The following SLC25A15 variants were observed in gnomAD, a reference collection of about 807,000 sequenced individuals.
SLC25A15 encodes mitochondrial ornithine transporter 1.
A neutral mutation model predicts 32.3 loss-of-function variants in SLC25A15; 24 were observed. That is an observed-to-expected ratio of 0.74 (90% confidence interval 0.54 to 1.04). SLC25A15 has a LOEUF of 1.04. Among genes scored for constraint, SLC25A15 ranks in the 50% least tolerant of loss-of-function variants. The pLI is 0.00. For missense variants in SLC25A15, 317 were observed against 374.5 expected, an observed-to-expected ratio of 0.85 and a Z score of 1.27; for synonymous variants, 132 against 142.1, an observed-to-expected ratio of 0.93 and a Z score of 0.51.
chr13:40,803,504 A>T (rs1173279709), intron 3 of SLC25A15, among the ~76,000 whole-genome samples: 2 of 151,504 alleles, frequency 1.3e-5, no homozygotes, highest in African/African-American at 4.9e-5. Flanking sequence ...ATATTCTTGA[A>T]CTCTTACTGG....
At position 40,793,204 on chromosome 13, in the gene SLC25A15, G is replaced by T; in HGVS notation, c.-23G>T. The T allele has an allele frequency of 6.2e-7, 1 of 1,613,892 alleles. No homozygotes were observed. Among genetic ancestry groups the T allele is most frequent in the South Asian group, 1.1e-5 (1 of 91,010 alleles). ...AGCTCCAGAGAGCTGCCTTCCACAA[G>T]ACCAGCAGAAGAGTGGGCAAACATG... is the stretch of plus-strand genomic sequence containing the variant. On this transcript the variant is annotated 5_prime_UTR_variant, in exon 2 of 7. Coordinates refer to ENST00000338625, the MANE Select transcript of SLC25A15 (RefSeq NM_014252.4).
chr13:40,790,417 A>C (rs1261803950), intron 1 of SLC25A15, among the ~76,000 whole-genome samples: 2 of 152,166 alleles, frequency 1.3e-5, no homozygotes, highest in Non-Finnish European at 2.9e-5. Flanking sequence ...CAAGCTCATA[A>C]ATCAATTTTA....
rs369321829 is a variant in SLC25A15 at position 40,795,020 on chromosome 13, G to A, written c.55+1739G>A. On this transcript the variant is annotated intron_variant, in intron 2 of 6. Coordinates refer to ENST00000338625, the MANE Select transcript of SLC25A15 (RefSeq NM_014252.4). ...CTTCTCCCAGGGCAGAACCCACAAG[G>A]AGCGTCCCAGCCCCAGATGCCCAGG... Among the ~76,000 whole-genome samples, 16 of 152,288 alleles carry A rather than the reference G, an allele frequency of 1.1e-4. No homozygotes were observed. In the South Asian group the frequency reaches 1.9e-3, roughly 18 times the overall value.
intron 5 of SLC25A15, 31 bp downstream of exon 5, chr13:40,807,494 T>A (rs760502972): frequency 4.3e-6 from 7 of 1,610,154 alleles, no homozygotes; most frequent in Admixed American, 1.7e-5. Context: ...AGCAGTGGGG[T>A]GTGATGGTGT....
At chr13:40,794,973 T>C (rs778432867) in intron 2 of SLC25A15, among the ~76,000 whole-genome samples, 1 of 152,150 alleles carries the variant, frequency 6.6e-6, no homozygotes, top group Non-Finnish European at 1.5e-5. Context: ...CCGAGCCTAA[T>C]GAGGAGCACT....
intron 2 of SLC25A15, among the ~76,000 whole-genome samples, chr13:40,797,015 A>G (rs1202228932): frequency 1.3e-5 from 2 of 152,196 alleles, no homozygotes; most frequent in Non-Finnish European, 2.9e-5. Context: ...TATAATATTT[A>G]TTCATGGCTT....
At position 40,810,251 on chromosome 13, in the gene SLC25A15, T is replaced by A. The variant is rs555617523; in HGVS notation, c.*584T>A. ...TCGGCTCACTGCAACCTCCGCCTCC[T>A]GGGTTCAAGCGATTCTCTCACCTCA... On this transcript the variant is annotated 3_prime_UTR_variant, in exon 7 of 7. Coordinates refer to ENST00000338625, the MANE Select transcript of SLC25A15 (RefSeq NM_014252.4). 1.2e-4 allele frequency: 20 copies of A among 173,346 alleles called. No individual in the cohort carries two copies. The South Asian group carries it at 2.7e-3, about 23-fold the overall frequency. 10.7% of individuals were successfully genotyped at this position (173,346 alleles called of 1,614,324 possible). A position where few individuals can be genotyped will look rare whatever the true frequency, so the allele number is the denominator to read the frequency against.
At chr13:40,795,050 G>A (rs9549287) in intron 2 of SLC25A15, among the ~76,000 whole-genome samples, 1 of 151,920 alleles carries the variant, frequency 6.6e-6, no homozygotes, top group South Asian at 2.1e-4. Flanking sequence ...CCCAGGGAAC[G>A]GAAGGCCAGT....
At chr13:40,805,328 G>A (rs1882131917) in intron 4 of SLC25A15, 73 bp downstream of exon 4, 1 of 1,567,188 alleles carries the variant, frequency 6.4e-7, no homozygotes, top group Non-Finnish European at 8.7e-7. Context: ...ATTTTACATT[G>A]TACTAAAGTG....
intron 2 of SLC25A15, among the ~76,000 whole-genome samples, chr13:40,794,297 G>A (rs1291194106): frequency 6.6e-6 from 1 of 150,482 alleles, no homozygotes; most frequent in African/African-American, 2.5e-5. Context: ...CCAAGATCGC[G>A]CCATTGCACT....
At chr13:40,805,311 A>G in intron 4 of SLC25A15, 56 bp downstream of exon 4, 1 of 1,603,524 alleles carries the variant, frequency 6.2e-7, no homozygotes, top group Non-Finnish European at 8.5e-7. Flanking sequence ...GTATTGGATG[A>G]TTTTTCATTT....
intron 1 of SLC25A15, among the ~76,000 whole-genome samples, chr13:40,791,900 C>T (rs138254336): frequency 3.3e-5 from 5 of 152,298 alleles, no homozygotes; most frequent in African/African-American, 7.2e-5. Context: ...AACTTCTCCA[C>T]GGCCAATGTT....
intron 6 of SLC25A15, 122 bp from the exon 7 acceptor site, chr13:40,809,421 C>T: frequency 4.1e-6 from 5 of 1,208,748 alleles, no homozygotes; most frequent in Non-Finnish European, 6.1e-6. Context: ...CCTTCTATGA[C>T]TTGTTGGTTT....
At chr13:40,804,543 AT>A (rs11354749) in intron 3 of SLC25A15, among the ~76,000 whole-genome samples, 56,929 of 135,900 alleles carry the variant, frequency 0.42, 11,433 homozygotes, top group East Asian at 0.55. Context: ...TCCTTTCATC[AT>A]TTTTTTTTTT....
At chr13:40,807,679 G>C (rs1184999140) in intron 5 of SLC25A15, among the ~76,000 whole-genome samples, 1 of 152,168 alleles carries the variant, frequency 6.6e-6, no homozygotes, top group Non-Finnish European at 1.5e-5. Flanking sequence ...AGGGCCTGAA[G>C]CAGTACATCC....
At position 40,810,784 on chromosome 13, in the gene SLC25A15, G is replaced by C. The variant is rs1312358510; in HGVS notation, c.*1117G>C. 3.7e-6 allele frequency: 2 copies of C among 534,696 alleles called. No homozygotes were observed. Among genetic ancestry groups the C allele is most frequent in the Non-Finnish European group, 3.8e-6 (1 of 260,108 alleles). The allele number at this position is 534,696 out of a possible 1,614,324, so 33.1% of individuals were successfully genotyped here. ...TGGGCTTTAGATTGAGGAAGGGGCT[G>C]AGTGGTAGGCGGTGCTGCTGTGCTC... On this transcript the variant is annotated 3_prime_UTR_variant, in exon 7 of 7. Transcript: ENST00000338625.
chr13:40,811,283 G>A lies in SLC25A15; in HGVS notation c.*1616G>A, dbSNP rs1035924182. Among the ~76,000 whole-genome samples the A allele has an allele frequency of 1.3e-5, 2 of 152,222 alleles. No individual in the cohort carries two copies. The highest frequency in any genetic ancestry group is 2.4e-5 in the African/African-American group (1 of 41,456). On this transcript the variant is annotated 3_prime_UTR_variant, in exon 7 of 7. Transcript: ENST00000338625. ...AGGCGGGCGGGTCACAAGGTCAGGA[G>A]TTCGAGAACAGCCTGACCAACATGG...
chr13:40,809,248 C>T (rs371354008), intron 6 of SLC25A15, among the ~76,000 whole-genome samples: 6 of 152,220 alleles, frequency 3.9e-5, no homozygotes, highest in South Asian at 2.1e-4. Context: ...CCATGGTTGC[C>T]TCTGTCTGGC....
intron 3 of SLC25A15, among the ~76,000 whole-genome samples, chr13:40,804,653 T>G (rs1045067265): frequency 1.3e-5 from 2 of 151,638 alleles, no homozygotes; most frequent in Non-Finnish European, 2.9e-5. Flanking sequence ...GCCATTCTCC[T>G]GCCTCAGCCT....
Sources: allele counts gnomAD v4.1 joint callset (sites outside exome capture counted in the v4.1 genomes callset), GRCh38; gene constraint gnomAD v4.1.1; transcripts MANE v1.5; gene names NCBI Gene and HGNC (gene_info 2026-07-23, HGNC 2026-07-21).